PRIM2: variants seen among roughly 807,000 people sequenced by gnomAD.
The protein encoded by PRIM2 is DNA primase large subunit.
PRIM2 carries 39 observed loss-of-function variants against 67.3 expected under a neutral mutation model. The observed-to-expected ratio is 0.58, with a 90% confidence interval of 0.45 to 0.76. PRIM2 has a LOEUF of 0.76. Ranked by LOEUF, PRIM2 falls within the 30% of genes least tolerant of loss-of-function variation. The probability of loss-of-function intolerance (pLI) is 0.00; values close to 1 mark genes in which losing one functional copy is unlikely to be tolerated. For synonymous variants in PRIM2, 143 were observed against 198.7 expected, an observed-to-expected ratio of 0.72 and a Z score of 2.36; for missense variants, 398 against 598.7, an observed-to-expected ratio of 0.66 and a Z score of 3.50.
chr6:57,342,698 T>G (rs369285145), intron 5 of PRIM2, among the ~76,000 whole-genome samples: 2,010 of 152,308 alleles, frequency 0.013, 18 homozygotes, highest in South Asian at 0.058. Flanking sequence ...GAATATTCTG[T>G]GTGTCACAAA....
At chr6:57,629,766 C>T (rs1273971669) in intron 12 of PRIM2, among the ~76,000 whole-genome samples, 1 of 150,270 alleles carries the variant, frequency 6.7e-6, no homozygotes, top group Admixed American at 6.7e-5. Context: ...TAGTCCTGCA[C>T]ATAGAATATT....
At chr6:57,449,310 A>G (rs1331996560) in intron 7 of PRIM2, among the ~76,000 whole-genome samples, 3 of 152,198 alleles carry the variant, frequency 2.0e-5, no homozygotes, top group Non-Finnish European at 4.4e-5. Context: ...AACATTTGCT[A>G]GGAAAAGTCT....
chr6:57,391,558 G>C (rs1480640016), intron 7 of PRIM2, among the ~76,000 whole-genome samples: 1 of 152,154 alleles, frequency 6.6e-6, no homozygotes, highest in East Asian at 1.9e-4. Flanking sequence ...ATAAGGAAAA[G>C]TCCAGCTTCA....
chr6:57,279,604 G>A, the PRIM2 span, among the ~76,000 whole-genome samples: 7 of 152,162 alleles, frequency 4.6e-5, no homozygotes, highest in Non-Finnish European at 1.0e-4. Flanking sequence ...GTTAGGGGAA[G>A]GTGGTGATGG....
chr6:57,283,385 C>T, the PRIM2 span, among the ~76,000 whole-genome samples: 1 of 152,262 alleles, frequency 6.6e-6, no homozygotes, highest in African/African-American at 2.4e-5. Flanking sequence ...TAGTCTCAAC[C>T]TCCAAATCTA....
At chr6:57,582,831 C>T (rs1280040954) in intron 10 of PRIM2, among the ~76,000 whole-genome samples, 2 of 150,570 alleles carry the variant, frequency 1.3e-5, no homozygotes, top group African/African-American at 4.9e-5. Flanking sequence ...TACATGTGCA[C>T]AATGTGCAGG....
At chr6:57,334,284 T>G (rs1768149596) in intron 5 of PRIM2, among the ~76,000 whole-genome samples, 1 of 152,196 alleles carries the variant, frequency 6.6e-6, no homozygotes, top group South Asian at 2.1e-4. Context: ...TGTATATATA[T>G]TGCATTTAAA....
Position 57,317,632 on chromosome 6 carries a change from A to T in PRIM2, c.-79A>T, listed in dbSNP as rs569975769. ...TAGTCACTTCCTCTTCCGGTTTCAT[A>T]TGAACTCTCCCGCCACCCGGGAACA... is the stretch of plus-strand genomic sequence containing the variant. On this transcript the variant is annotated 5_prime_UTR_variant, in exon 1 of 14. The change abolishes an upstream ATG in the 5' untranslated region. Transcript: ENST00000615550. The T allele has an allele frequency of 2.0e-5, 3 of 152,706 alleles. No individual in the cohort carries two copies. The highest frequency in any genetic ancestry group is 4.4e-5 in the Non-Finnish European group (3 of 68,102). The allele number at this position is 152,706 out of a possible 1,614,324, so 9.5% of individuals were successfully genotyped here. A position where few individuals can be genotyped will look rare whatever the true frequency, so the allele number is the denominator to read the frequency against.
chr6:57,242,608 T>C, the PRIM2 span, among the ~76,000 whole-genome samples: 7 of 152,338 alleles, frequency 4.6e-5, no homozygotes, highest in African/African-American at 1.7e-4. Flanking sequence ...TTTCCTAATA[T>C]GGTATAAACA....
At chr6:57,355,933 T>C (rs7754663) in intron 5 of PRIM2, among the ~76,000 whole-genome samples, 1 of 152,196 alleles carries the variant, frequency 6.6e-6, no homozygotes, top group African/African-American at 2.4e-5. Flanking sequence ...TGAGCCACTG[T>C]GCCTGGCCAA....
At chr6:57,387,231 T>G (rs1770183271) in intron 7 of PRIM2, among the ~76,000 whole-genome samples, 1 of 152,224 alleles carries the variant, frequency 6.6e-6, no homozygotes, top group Non-Finnish European at 1.5e-5. Context: ...TTTCTCTTAA[T>G]TCAAATTTTT....
At chr6:57,321,418 G>A (rs1191737818) in intron 3 of PRIM2, among the ~76,000 whole-genome samples, 12 of 152,150 alleles carry the variant, frequency 7.9e-5, no homozygotes, top group Admixed American at 7.9e-4. Flanking sequence ...TGTGGTGGGA[G>A]TAGATTTAGC....
At chr6:57,363,415 T>G (rs1455944608) in intron 5 of PRIM2, among the ~76,000 whole-genome samples, 2 of 152,220 alleles carry the variant, frequency 1.3e-5, no homozygotes, top group Non-Finnish European at 2.9e-5. Context: ...TTGCATTAGT[T>G]TCAAGTGAAA....
Position 57,472,259 on chromosome 6 carries a change from G to A in PRIM2, c.694-35128G>A, listed in dbSNP as rs1324329852. Among the ~76,000 whole-genome samples the A allele has an allele frequency of 3.9e-5, 6 of 152,104 alleles. No individual in the cohort carries two copies. In the East Asian group the frequency reaches 1.2e-3, roughly 29 times the overall value. On this transcript the variant is annotated intron_variant, in intron 7 of 13. Coordinates refer to ENST00000615550, the MANE Select transcript of PRIM2 (RefSeq NM_000947.5). ...AGCCTGGCCAACACAGTGAAACCCC[G>A]TCTCTACTAAAAATACAAAAATTAC...
intron 5 of PRIM2, among the ~76,000 whole-genome samples, chr6:57,362,227 A>G (rs1393842284): frequency 1.3e-5 from 2 of 152,232 alleles, no homozygotes; most frequent in Non-Finnish European, 2.9e-5. Flanking sequence ...AATAGCTGGT[A>G]TTCTACCATC....
chr6:57,350,602 G>A (rs1367836039), intron 5 of PRIM2, among the ~76,000 whole-genome samples: 1 of 152,114 alleles, frequency 6.6e-6, no homozygotes, highest in Non-Finnish European at 1.5e-5. Context: ...TCTTTGAGAA[G>A]GCTAAGTGCT....
chr6:57,460,080 G>T (rs1772949645), intron 7 of PRIM2, among the ~76,000 whole-genome samples: 1 of 151,920 alleles, frequency 6.6e-6, no homozygotes, highest in Non-Finnish European at 1.5e-5. Flanking sequence ...TACATTTGAT[G>T]TTGTATGGTG....
At chr6:57,458,813 C>T (rs1476736097) in intron 7 of PRIM2, among the ~76,000 whole-genome samples, 10 of 152,194 alleles carry the variant, frequency 6.6e-5, no homozygotes, top group Non-Finnish European at 1.5e-4. Context: ...ACCCAGAATA[C>T]ACACTTTGTC....
At chr6:57,555,578 C>T (rs1331856157) in intron 10 of PRIM2, among the ~76,000 whole-genome samples, 2 of 152,206 alleles carry the variant, frequency 1.3e-5, no homozygotes, top group Admixed American at 6.5e-5. Context: ...CCGTGCCTGG[C>T]CTACCTTGTA....
Sources: allele counts gnomAD v4.1 joint callset (sites outside exome capture counted in the v4.1 genomes callset), GRCh38; gene constraint gnomAD v4.1.1; transcripts MANE v1.5; gene names NCBI Gene and HGNC (gene_info 2026-07-23, HGNC 2026-07-21).